UPRT: variants seen among roughly 807,000 people sequenced by gnomAD.
UPRT encodes the protein RP11-311P8.3.
A neutral mutation model predicts 22.6 loss-of-function variants in UPRT; 5 were observed. That is an observed-to-expected ratio of 0.22 (90% confidence interval 0.12 to 0.47). UPRT has a LOEUF of 0.47. Ranked by LOEUF, UPRT falls within the 20% of genes least tolerant of loss-of-function variation. The pLI, the probability that UPRT is intolerant of heterozygous loss-of-function variation, is 0.99. For synonymous variants in UPRT, 77 were observed against 87.7 expected, an observed-to-expected ratio of 0.88 and a Z score of 0.68; for missense variants, 181 against 239.9, an observed-to-expected ratio of 0.75 and a Z score of 1.62.
intron 4 of UPRT, among the ~76,000 whole-genome samples, chrX:75,223,878 G>A (rs1307196175): frequency 2.7e-5 from 3 of 111,858 alleles, no homozygotes; most frequent in Non-Finnish European, 5.6e-5. Context: ...TGGTGTTCCT[G>A]TGGAGGGGAA....
chrX:75,288,911 G>C, intron 1 of UPRT, among the ~76,000 whole-genome samples: 1 of 111,647 alleles, frequency 9.0e-6, no homozygotes, highest in Middle Eastern at 4.6e-3. Flanking sequence ...TCTCTTCATG[G>C]AAAATATGAT....
At chrX:75,171,382 C>T (rs893127727) in intron 4 of UPRT, among the ~76,000 whole-genome samples, 1 of 111,690 alleles carries the variant, frequency 9.0e-6, no homozygotes, top group African/African-American at 3.2e-5. Context: ...CTTTCCAGTA[C>T]ATTTTGCATT....
intron 4 of UPRT, among the ~76,000 whole-genome samples, chrX:75,255,338 C>T (rs2082546316): frequency 8.9e-6 from 1 of 111,960 alleles, no homozygotes; most frequent in African/African-American, 3.2e-5. Context: ...GCCACCGCTA[C>T]AAGAACTGCT....
chrX:75,223,813 C>G (rs1299050183), intron 4 of UPRT, among the ~76,000 whole-genome samples: 1 of 111,705 alleles, frequency 9.0e-6, no homozygotes, highest in African/African-American at 3.3e-5. Context: ...GTACTGTGAT[C>G]AGTCATTTGA....
intron 4 of UPRT, among the ~76,000 whole-genome samples, chrX:75,236,564 G>A (rs978526584): frequency 5.4e-5 from 6 of 111,928 alleles, no homozygotes; most frequent in Admixed American, 4.7e-4. Context: ...CAAGGCTACA[G>A]TAACCAAAAC....
chrX:75,204,289 G>A (rs1205613738), intron 4 of UPRT, among the ~76,000 whole-genome samples: 2 of 111,803 alleles, frequency 1.8e-5, no homozygotes, highest in South Asian at 3.8e-4. Context: ...TTGGGTATAT[G>A]TGGAGGAGGA....
intron 2 of UPRT, among the ~76,000 whole-genome samples, chrX:75,160,826 A>C (rs768609573): frequency 1.8e-5 from 2 of 112,669 alleles, no homozygotes; most frequent in East Asian, 2.8e-4. Context: ...CACCATGACC[A>C]GTGCAACTTT....
intron 1 of UPRT, among the ~76,000 whole-genome samples, chrX:75,279,286 C>T (rs962049074): frequency 5.4e-5 from 6 of 111,649 alleles, no homozygotes; most frequent in Middle Eastern, 9.3e-3. Context: ...TTGCACAAAA[C>T]CAAAATGCCC....
upstream of UPRT, among the ~76,000 whole-genome samples, chrX:75,271,684 G>A (rs376299271): frequency 9.0e-6 from 1 of 111,700 alleles, no homozygotes; most frequent in Non-Finnish European, 1.9e-5. Flanking sequence ...ACAGCAAAAG[G>A]AACAGTCAGC....
intron 4 of UPRT, among the ~76,000 whole-genome samples, chrX:75,240,030 C>T (rs879030220): frequency 9.0e-6 from 1 of 111,087 alleles, no homozygotes; most frequent in African/African-American, 3.3e-5. Flanking sequence ...CCCTTGAGAA[C>T]TGAAACAAGA....
At chrX:75,173,297 T>C (rs1249848588) in intron 4 of UPRT, among the ~76,000 whole-genome samples, 1 of 109,178 alleles carries the variant, frequency 9.2e-6, no homozygotes, top group East Asian at 2.9e-4. Flanking sequence ...ACATAAAGGT[T>C]TTCCAAGGCC....
At chrX:75,227,944 T>G (rs191703566) in intron 4 of UPRT, among the ~76,000 whole-genome samples, 1 of 112,290 alleles carries the variant, frequency 8.9e-6, no homozygotes, top group Admixed American at 9.4e-5. Flanking sequence ...TTTATTTTTT[T>G]AAATAGTTTA....
At chrX:75,247,880 A>C (rs756604341) in intron 4 of UPRT, among the ~76,000 whole-genome samples, 1 of 111,781 alleles carries the variant, frequency 8.9e-6, no homozygotes, top group Non-Finnish European at 1.9e-5. Flanking sequence ...CAAAACTTCC[A>C]GAGGAACGAT....
chrX:75,158,367 A>T (rs932123302), intron 1 of UPRT, among the ~76,000 whole-genome samples: 48 of 112,607 alleles, frequency 4.3e-4, no homozygotes, highest in African/African-American at 1.5e-3. Flanking sequence ...CACAGATCAC[A>T]TGATAGCACT....
At chrX:75,303,302 G>C (rs1333877465) in intron 6 of UPRT, 103 bp from the exon 7 acceptor site, 5 of 552,761 alleles carry the variant, frequency 9.0e-6, no homozygotes, top group Non-Finnish European at 1.5e-5. Flanking sequence ...ATTGCTCTCT[G>C]TCTTCTCTCA....
chrX:75,225,870 C>T (rs1342361769), intron 4 of UPRT, among the ~76,000 whole-genome samples: 1 of 110,927 alleles, frequency 9.0e-6, no homozygotes, highest in Non-Finnish European at 1.9e-5. Flanking sequence ...TGTACATCTC[C>T]AAGGACCTAT....
intron 4 of UPRT, among the ~76,000 whole-genome samples, chrX:75,221,173 C>T (rs899675660): frequency 9.0e-6 from 1 of 111,114 alleles, no homozygotes; most frequent in African/African-American, 3.3e-5. Context: ...CACTGGAAAA[C>T]CTGCTGCCAG....
At chrX:75,239,114 G>C (rs1475811860) in intron 4 of UPRT, among the ~76,000 whole-genome samples, 1 of 110,752 alleles carries the variant, frequency 9.0e-6, no homozygotes, top group Non-Finnish European at 1.9e-5. Flanking sequence ...ACAAAGATCA[G>C]AGCAGAATTA....
At chrX:75,198,955 C>T (rs187812985) in intron 4 of UPRT, among the ~76,000 whole-genome samples, 43 of 111,916 alleles carry the variant, frequency 3.8e-4, no homozygotes, top group Middle Eastern at 9.2e-3. Context: ...TAAACTCAGC[C>T]CTAGCCTGTC....
Sources: gnomAD v4.1 joint callset for allele counts (sites outside exome capture counted in the v4.1 genomes callset) on GRCh38, gnomAD v4.1.1 for gene constraint, MANE v1.5 for transcripts, NCBI Gene and HGNC (gene_info 2026-07-23, HGNC 2026-07-21) for gene names.